Variants in FHIT observed in about 807,000 individuals in gnomAD.
FHIT encodes the protein fragile histidine triad diadenosine triphosphatase, also known as bis(5'-adenosyl)-triphosphatase.
In FHIT, 19 loss-of-function variants were observed where a neutral mutation model predicts 17.9. The observed-to-expected ratio is 1.06, with a 90% CI of 0.74 to 1.56. FHIT has a LOEUF of 1.56. Ranked by LOEUF, FHIT falls within the 40% of genes most tolerant of loss-of-function variation. The probability of loss-of-function intolerance (pLI) is 0.00; values close to 1 mark genes in which losing one functional copy is unlikely to be tolerated. For synonymous variants in FHIT, 81 were observed against 69.7 expected (o/e 1.16, Z -0.81); for missense variants, 248 against 189.2 (o/e 1.31, Z -1.82).
At chr3:61,079,951 T>C (rs1023334664) in intron 2 of FHIT, among the ~76,000 whole-genome samples, 4 of 152,166 alleles carry the variant, frequency 2.6e-5, no homozygotes, top group Non-Finnish European at 5.9e-5. Context: ...ATGGAACATG[T>C]CCTATATATC....
chr3:59,945,731 T>C (rs1339038752), intron 7 of FHIT, among the ~76,000 whole-genome samples: 1 of 152,182 alleles, frequency 6.6e-6, no homozygotes, highest in East Asian at 1.9e-4. Context: ...AAGGAAGGGG[T>C]CCAGTTTCAG....
intron 4 of FHIT, among the ~76,000 whole-genome samples, chr3:60,636,681 A>T (rs571899074): frequency 6.6e-6 from 1 of 152,016 alleles, no homozygotes; most frequent in Non-Finnish European, 1.5e-5. Flanking sequence ...AACCGCTCTC[A>T]CCTCTCCAGC....
intron 8 of FHIT, among the ~76,000 whole-genome samples, chr3:59,826,470 T>G (rs764059499): frequency 2.0e-4 from 30 of 152,358 alleles, no homozygotes; most frequent in Non-Finnish European, 4.0e-4. Context: ...ATTGGCTGCT[T>G]CAAGAACATA....
At chr3:60,856,533 C>T (rs1244295778) in intron 3 of FHIT, 1 of 151,830 alleles carries the variant, frequency 6.6e-6, no homozygotes, top group Non-Finnish European at 1.5e-5. Context: ...CCTGTGGTTT[C>T]CAGTGCTCTA....
intron 3 of FHIT, among the ~76,000 whole-genome samples, chr3:60,872,192 T>C (rs1452468676): frequency 6.6e-6 from 1 of 152,114 alleles, no homozygotes; most frequent in Admixed American, 6.6e-5. Flanking sequence ...TGGTAGAAAT[T>C]CCATGCTATG....
At chr3:60,965,465 T>C (rs1709683128) in intron 3 of FHIT, among the ~76,000 whole-genome samples, 2 of 152,248 alleles carry the variant, frequency 1.3e-5, no homozygotes, top group African/African-American at 4.8e-5. Context: ...CATCCAGCTT[T>C]GTTCCCTTGC....
chr3:59,952,725 T>G (rs1378795768), intron 7 of FHIT, among the ~76,000 whole-genome samples: 1 of 152,156 alleles, frequency 6.6e-6, no homozygotes, highest in African/African-American at 2.4e-5. Context: ...AAGTCTAATT[T>G]CTTTTTCTTG....
chr3:60,223,428 C>T (rs145806902), intron 5 of FHIT, among the ~76,000 whole-genome samples: 71 of 152,152 alleles, frequency 4.7e-4, no homozygotes, highest in African/African-American at 1.6e-3. Context: ...AACACGTAAG[C>T]GATCCATGCT....
chr3:59,890,087 T>C (rs547879170), intron 8 of FHIT, among the ~76,000 whole-genome samples: 16 of 152,298 alleles, frequency 1.1e-4, no homozygotes, highest in Admixed American at 8.5e-4. Flanking sequence ...AGCACTGTCA[T>C]AGGATATAGA....
chr3:60,717,656 A>C (rs2041716414), intron 4 of FHIT, among the ~76,000 whole-genome samples: 1 of 152,200 alleles, frequency 6.6e-6, no homozygotes, highest in East Asian at 1.9e-4. Context: ...TCTTGGTTAT[A>C]GTAGAACTTT....
intron 4 of FHIT, among the ~76,000 whole-genome samples, chr3:60,568,910 T>C (rs568690907): frequency 6.6e-6 from 1 of 152,132 alleles, no homozygotes; most frequent in African/African-American, 2.4e-5. Flanking sequence ...CCATACCATT[T>C]TGGGGACTTA....
intron 3 of FHIT, among the ~76,000 whole-genome samples, chr3:60,854,556 T>TTA (rs1251164253): frequency 1.2e-3 from 1 of 828 alleles, no homozygotes; most frequent in Non-Finnish European, 0.023. Context: ...CCTACTTCTA[T>TTA]TTTTTTTTTT....
chr3:59,882,692 C>A (rs1042628701), intron 8 of FHIT, among the ~76,000 whole-genome samples: 2 of 152,266 alleles, frequency 1.3e-5, no homozygotes, highest in South Asian at 4.1e-4. Flanking sequence ...CTGAAGTACA[C>A]TGTGAGGAAG....
intron 3 of FHIT, 54 bp from the exon 4 acceptor site, chr3:60,822,065 T>C (rs917350107): frequency 3.3e-5 from 5 of 152,110 alleles, no homozygotes; most frequent in Admixed American, 3.3e-4. Context: ...TCCAGATGGC[T>C]CTAGGTACAA....
chr3:60,074,495 T>C (rs1702919162), intron 5 of FHIT, among the ~76,000 whole-genome samples: 1 of 151,770 alleles, frequency 6.6e-6, no homozygotes, highest in African/African-American at 2.4e-5. Context: ...AAAATTTGCT[T>C]ATTCATTCAT....
At chr3:59,981,857 G>A (rs1708668821) in intron 7 of FHIT, among the ~76,000 whole-genome samples, 1 of 152,030 alleles carries the variant, frequency 6.6e-6, no homozygotes, top group Non-Finnish European at 1.5e-5. Flanking sequence ...GTCTGATGTG[G>A]TTAATTTAAA....
intron 5 of FHIT, among the ~76,000 whole-genome samples, chr3:60,177,725 T>C (rs2107429423): frequency 6.6e-6 from 1 of 152,326 alleles, no homozygotes; most frequent in Middle Eastern, 3.4e-3. Flanking sequence ...ATGCCAAACC[T>C]AGTGATATGA....
chr3:59,889,629 A>C (rs1418546282), intron 8 of FHIT, among the ~76,000 whole-genome samples: 1 of 152,224 alleles, frequency 6.6e-6, no homozygotes, highest in Admixed American at 6.5e-5. Flanking sequence ...AAGACACTAC[A>C]ACGTGGTTGG....
At chr3:60,300,169 A>G (rs934096078) in intron 5 of FHIT, among the ~76,000 whole-genome samples, 2 of 152,146 alleles carry the variant, frequency 1.3e-5, no homozygotes, top group Admixed American at 6.6e-5. Flanking sequence ...CTTATATACA[A>G]TATTCAGGAT....
Sources: gnomAD v4.1 joint callset for allele counts (sites outside exome capture counted in the v4.1 genomes callset) on GRCh38, gnomAD v4.1.1 for gene constraint, MANE v1.5 for transcripts, NCBI Gene and HGNC (gene_info 2026-07-23, HGNC 2026-07-21) for gene names.